The following PKHD1L1 variants were observed in gnomAD, a reference collection of about 807,000 sequenced individuals.
PKHD1L1 encodes the protein PKHD1 like 1.
A neutral mutation model predicts 462.9 loss-of-function variants in PKHD1L1; 434 were observed. That is an observed-to-expected ratio of 0.94 (90% CI 0.87 to 1.02). The LOEUF is 1.02. Ranked by LOEUF, PKHD1L1 falls within the 50% of genes least tolerant of loss-of-function variation. The pLI, the probability that PKHD1L1 is intolerant of heterozygous loss-of-function variation, is 0.00. For synonymous variants in PKHD1L1, 1,781 were observed against 1,750.0 expected (o/e 1.02, Z -0.44); for missense variants, 5,202 against 5,096.1 (o/e 1.02, Z -0.63).
chr8:109,427,107 C>T lies in PKHD1L1; in HGVS notation c.2951C>T (p.Ala984Val), dbSNP rs763404624. The stretch of plus-strand genomic sequence containing the variant: ...CGAGAGGGAACCTGTGCTGGCTACG[C>T]GTGGAACATCAAATGGAGAAGCACC... ...VTREGTCAGY[A>V]WNIKWRSTCG... Residue 984 changes from alanine to valine, a missense_variant, in exon 25 of 78, where the codon GCG becomes GTG. By Grantham distance (64) the Ala-to-Val change is moderately conservative. This residue lies in a region of PKHD1L1 where 4,497 missense variants were observed against 4,336.8 expected (regional missense o/e 1.04). Transcript: ENST00000378402. 1.5e-5 allele frequency: 25 copies of T among 1,613,782 alleles called. No individual in the cohort carries two copies. The highest frequency in any genetic ancestry group is 2.0e-5 in the Non-Finnish European group (24 of 1,179,838).
chr8:109,365,923 G>A (rs1226880940), intron 2 of PKHD1L1, among the ~76,000 whole-genome samples: 2 of 152,108 alleles, frequency 1.3e-5, no homozygotes, highest in African/African-American at 2.4e-5. Flanking sequence ...GCAGTGAGCC[G>A]AGATCGCGCC....
intron 48 of PKHD1L1, 41 bp downstream of exon 48, chr8:109,461,949 G>A (rs999938905): frequency 6.4e-7 from 1 of 1,559,620 alleles, no homozygotes; most frequent in Admixed American, 1.9e-5. Flanking sequence ...TTTGCTCAAG[G>A]TTATCCATAC....
At chr8:109,528,710 C>G (rs1239794009) in intron 77 of PKHD1L1, among the ~76,000 whole-genome samples, 1 of 152,176 alleles carries the variant, frequency 6.6e-6, no homozygotes, top group Non-Finnish European at 1.5e-5. Flanking sequence ...ATAGTCCTTT[C>G]TGTAATATAC....
At chr8:109,444,519 C>T in intron 37 of PKHD1L1, 142 bp from the exon 38 acceptor site, 1 of 726,228 alleles carries the variant, frequency 1.4e-6, no homozygotes. Flanking sequence ...TTAATCAGCC[C>T]CTCCCAAATT....
chr8:109,469,552 A>G (rs1217111390), intron 50 of PKHD1L1, among the ~76,000 whole-genome samples: 1 of 152,182 alleles, frequency 6.6e-6, no homozygotes, highest in Non-Finnish European at 1.5e-5. Flanking sequence ...AGAAGGGTGA[A>G]AAGTGGATCT....
At chr8:109,437,163 C>T (rs1342719832) in intron 30 of PKHD1L1, among the ~76,000 whole-genome samples, 1 of 152,294 alleles carries the variant, frequency 6.6e-6, no homozygotes, top group East Asian at 1.9e-4. Flanking sequence ...ATCCACCCCC[C>T]TCAGCCTCCC....
chr8:109,396,979 A>G (rs1263899254), intron 11 of PKHD1L1, among the ~76,000 whole-genome samples: 2 of 152,218 alleles, frequency 1.3e-5, no homozygotes, highest in Admixed American at 6.5e-5. Flanking sequence ...TCGTGTCTGC[A>G]TGAATCCTTG....
chr8:109,380,849 C>T (rs1812072435), intron 2 of PKHD1L1, among the ~76,000 whole-genome samples: 1 of 152,150 alleles, frequency 6.6e-6, no homozygotes, highest in South Asian at 2.1e-4. Context: ...ACAAAGACCT[C>T]ATCCTTTATA....
At chr8:109,367,454 G>T (rs1251528147) in intron 2 of PKHD1L1, among the ~76,000 whole-genome samples, 1 of 152,262 alleles carries the variant, frequency 6.6e-6, no homozygotes, top group Non-Finnish European at 1.5e-5. Flanking sequence ...GACTTAGAAA[G>T]TGAGTTCTCT....
intron 24 of PKHD1L1, among the ~76,000 whole-genome samples, chr8:109,425,651 TTTTAAAAAA>T (rs1398575237): frequency 1.3e-5 from 2 of 152,062 alleles, no homozygotes; most frequent in African/African-American, 4.8e-5. Flanking sequence ...AATACATGCA[TTTTAAAAAA>T]TAAGCATTCA....
chr8:109,380,899 G>A (rs192565901), intron 2 of PKHD1L1, among the ~76,000 whole-genome samples: 12 of 152,156 alleles, frequency 7.9e-5, no homozygotes, highest in Admixed American at 5.2e-4. Context: ...AGTCCTCTTA[G>A]CCTACCTTTT....
rs1815780138 is a variant in PKHD1L1, at chr8:109,441,322, T to C, written c.4147T>C (p.Cys1383Arg). The C allele has an allele frequency of 1.9e-6, 3 of 1,592,178 alleles. No homozygotes were observed. Residue 1383 changes from cysteine to arginine, a missense_variant, in exon 34 of 78, where the codon TGT becomes CGT. Physicochemically the swap from Cys to Arg is radical, Grantham distance 180. This residue lies in a region of PKHD1L1 where 4,497 missense variants were observed against 4,336.8 expected (regional missense o/e 1.04). Coordinates refer to ENST00000378402, the MANE Select transcript of PKHD1L1 (RefSeq NM_177531.6). The stretch of plus-strand genomic sequence containing the variant: ...ATCATCATCAGAAAATGTCATAAAA[T>C]GTATTCTTCATTCAACTGGGAATAT... ...VTSSSENVIK[C>R]ILHSTGNIFR... is the part of the protein sequence containing the mutation.
chr8:109,424,534 G>A (rs10458302), intron 23 of PKHD1L1, among the ~76,000 whole-genome samples: 45,133 of 151,918 alleles, frequency 0.3, 7,289 homozygotes, highest in Admixed American at 0.43. Context: ...TTTCATTATT[G>A]GGGTTACAAT....
Position 109,515,106 on chromosome 8 carries a change from T to C in PKHD1L1, c.11554-64T>C, listed in dbSNP as rs1820196748. On this transcript the variant is annotated intron_variant, in intron 71 of 77. Transcript: ENST00000378402. Reference sequence around the variant, plus strand: ...GAAAGTATACAATATTGAAGGACGGTTTAAGTGCTAAATTACAAATATTCT... The same window carrying C: ...GAAAGTATACAATATTGAAGGACGGCTTAAGTGCTAAATTACAAATATTCT... The C allele has an allele frequency of 3.1e-6, 4 of 1,283,008 alleles. No homozygotes were observed. In the African/African-American group the frequency reaches 6.1e-5, roughly 19 times the overall value. 79.5% of individuals were successfully genotyped at this position (1,283,008 alleles called of 1,614,324 possible). A position where few individuals can be genotyped will look rare whatever the true frequency, so the allele number is the denominator to read the frequency against.
intron 67 of PKHD1L1, among the ~76,000 whole-genome samples, chr8:109,501,620 T>C (rs1819418791): frequency 6.6e-6 from 1 of 152,202 alleles, no homozygotes; most frequent in Non-Finnish European, 1.5e-5. Context: ...CATTATGTAG[T>C]AGAAGTAGCT....
chr8:109,523,079 T>G (rs1480350559), intron 75 of PKHD1L1, among the ~76,000 whole-genome samples, 154 bp from the exon 76 acceptor site: 2 of 152,184 alleles, frequency 1.3e-5, no homozygotes, highest in Non-Finnish European at 2.9e-5. Context: ...GAACTTCTGC[T>G]GCTCAGGTTT....
At chr8:109,404,265 G>A (rs887300524) in intron 14 of PKHD1L1, among the ~76,000 whole-genome samples, 1 of 152,136 alleles carries the variant, frequency 6.6e-6, no homozygotes, top group African/African-American at 2.4e-5. Flanking sequence ...TCAAGATGTT[G>A]AGTATAAGAA....
rs1471973805 is a variant in PKHD1L1 at position 109,515,187 on chromosome 8, T to C, written c.11571T>C (p.Ile3857=). 31 of 1,593,218 alleles carry C rather than the reference T, an allele frequency of 1.9e-5. No individual in the cohort carries two copies. Among genetic ancestry groups the C allele is most frequent in the Non-Finnish European group, 2.6e-5 (30 of 1,170,456 alleles). ...VDHNKAVLVG[I]FFSTLQRLDV... ...TTTAATAGGCTGTTCTAGTAGGAATTTTCTTTTCCACACTTCAACGTTTGG... is the reference window on the plus strand; with the variant it reads ...TTTAATAGGCTGTTCTAGTAGGAATCTTCTTTTCCACACTTCAACGTTTGG... Residue 3857 remains isoleucine (I), a synonymous_variant, in exon 72 of 78, where the codon ATT becomes ATC. Transcript: ENST00000378402.
chr8:109,395,143 A>T (rs1305598771), intron 10 of PKHD1L1, among the ~76,000 whole-genome samples: 20 of 152,246 alleles, frequency 1.3e-4, no homozygotes, highest in Admixed American at 1.3e-3. Flanking sequence ...TACCAAATTC[A>T]TTATTTTTAA....
Sources: gnomAD v4.1 joint callset for allele counts (sites outside exome capture counted in the v4.1 genomes callset) on GRCh38, gnomAD v4.1.1 for gene constraint, gnomAD v4.1.1 regional missense constraint, MANE v1.5 for transcripts, NCBI Gene and HGNC (gene_info 2026-07-23, HGNC 2026-07-21) for gene names.